ARHGEF10L: variants seen among roughly 807,000 people sequenced by gnomAD.
The protein encoded by ARHGEF10L is Rho guanine nucleotide exchange factor 10 like, also known as rho guanine nucleotide exchange factor 10-like protein.
A neutral mutation model predicts 141.2 loss-of-function variants in ARHGEF10L; 69 were observed. The ratio of observed to expected loss-of-function variants is 0.49; its 90% CI spans 0.40 to 0.60. ARHGEF10L has a LOEUF of 0.60. ARHGEF10L is among the 20% of genes least tolerant of loss of function. The pLI, the probability that ARHGEF10L is intolerant of heterozygous loss-of-function variation, is 0.00. For missense variants in ARHGEF10L, 1,482 were observed against 1,734.3 expected (o/e 0.85, Z 2.58); for synonymous variants, 711 against 718.5 (o/e 0.99, Z 0.17).
At chr1:17,670,095 G>A (rs555122104) in intron 26 of ARHGEF10L, among the ~76,000 whole-genome samples, 2 of 152,376 alleles carry the variant, frequency 1.3e-5, no homozygotes, top group South Asian at 2.1e-4. Flanking sequence ...AAAGCACCGC[G>A]AGCCACGCCT....
rs117772644 is a variant in ARHGEF10L at position 17,593,260 on chromosome 1, C to T, written c.257+4781C>T. Among the ~76,000 whole-genome samples the T allele has an allele frequency of 4.1e-3, 627 of 152,344 alleles. 13 individuals carry two copies. In the East Asian group the frequency reaches 0.078, roughly 19 times the overall value. On this transcript the variant is annotated intron_variant, in intron 4 of 28. Transcript: ENST00000361221. ...GGTGCAACAATACTAACAGCCTACA[C>T]GTGCACGGACTTTACAGTTTACATC...
At position 17,654,859 on chromosome 1, in the gene ARHGEF10L, C is replaced by T. The variant is rs2062132730; in HGVS notation, c.2481+137C>T. ...CTTCATCCACCAAGGTCTTCCTGGG[C>T]ACCTCTGGTGCCAGGCACTGCATTT... On this transcript the variant is annotated intron_variant, in intron 23 of 28. Coordinates refer to ENST00000361221, the MANE Select transcript of ARHGEF10L (RefSeq NM_018125.4). This position sits in a 1 kb window ranked among gnomAD's most constrained non-coding sequence, Gnocchi z 4.3. 3.6e-6 allele frequency: 3 copies of T among 826,818 alleles called. 1 individual carries two copies. Among genetic ancestry groups the T allele is most frequent in the Admixed American group, 3.9e-5 (2 of 51,236 alleles). The allele number at this position is 826,818 out of a possible 1,614,324, so 51.2% of individuals were successfully genotyped here.
chr1:17,688,140 G>C (rs1172495559), intron 27 of ARHGEF10L, among the ~76,000 whole-genome samples: 1 of 152,244 alleles, frequency 6.6e-6, no homozygotes, highest in Non-Finnish European at 1.5e-5. Flanking sequence ...GAGGTGATGG[G>C]AAAGTGAGAA....
In ARHGEF10L at chr1:17,621,931, G is replaced by A. The variant is rs770572310; in HGVS notation, c.1010G>A (p.Arg337Gln). The change falls in exon 11 of 29, where the codon CGG (arginine) becomes CAG (glutamine). Residue 337 changes from arginine (R) to glutamine (Q), a missense_variant. Arg to Gln is a conservative substitution (Grantham distance 43, BLOSUM62 1). Coordinates refer to ENST00000361221, the MANE Select transcript of ARHGEF10L (RefSeq NM_018125.4). The surrounding 1 kb of genome is among the most constrained non-coding windows in gnomAD (Gnocchi z 4.1). ...GGCAGCTACGTGGAGTCTCTGAAGC[G>A]GATACTCCAGGTGCGACTTCAGGGA... ...SEGSYVESLK[R>Q]ILQDYRNPLM... 5.0e-6 allele frequency: 8 copies of A among 1,614,152 alleles called. No individual in the cohort carries two copies. The highest frequency in any genetic ancestry group is 1.7e-5 in the Admixed American group (1 of 60,030).
At chr1:17,567,049 A>G (rs967768247) in intron 1 of ARHGEF10L, among the ~76,000 whole-genome samples, 21 of 152,204 alleles carry the variant, frequency 1.4e-4, no homozygotes, top group Admixed American at 3.3e-4. Context: ...CTGATCTGGA[A>G]GCAGATGGTG....
At chr1:17,544,577 G>A (rs2996648) in intron 1 of ARHGEF10L, among the ~76,000 whole-genome samples, 1 of 152,136 alleles carries the variant, frequency 6.6e-6, no homozygotes, top group Non-Finnish European at 1.5e-5. Flanking sequence ...TTACAGGCGT[G>A]AGCCACCATG....
At chr1:17,649,907 G>T (rs2061816182) in intron 22 of ARHGEF10L, among the ~76,000 whole-genome samples, 1 of 152,202 alleles carries the variant, frequency 6.6e-6, no homozygotes, top group Non-Finnish European at 1.5e-5. Flanking sequence ...AGGCGAGGCA[G>T]GAGGAGAGAG....
intron 26 of ARHGEF10L, among the ~76,000 whole-genome samples, chr1:17,680,620 G>A (rs1031125743): frequency 1.1e-3 from 161 of 152,194 alleles, no homozygotes; most frequent in African/African-American, 3.7e-3. Context: ...AATCCTCACC[G>A]TGCCCCAGAG....
the ARHGEF10L span, among the ~76,000 whole-genome samples, chr1:17,521,867 CTG>C: frequency 8.6e-5 from 13 of 151,942 alleles, no homozygotes; most frequent in Admixed American, 8.5e-4. Context: ...ATTTAGGTGA[CTG>C]TGTGACGCTC....
the ARHGEF10L span, among the ~76,000 whole-genome samples, chr1:17,518,067 G>A: frequency 9.2e-5 from 14 of 152,316 alleles, no homozygotes; most frequent in Admixed American, 2.0e-4. Context: ...AGTCTCTGTC[G>A]CTGATCAAAT....
intron 1 of ARHGEF10L, among the ~76,000 whole-genome samples, chr1:17,570,058 G>T (rs1271204423): frequency 1.3e-5 from 2 of 152,146 alleles, no homozygotes; most frequent in South Asian, 2.1e-4. Flanking sequence ...GTTTCAGAAG[G>T]GAGGGGCCCA....
intron 1 of ARHGEF10L, among the ~76,000 whole-genome samples, chr1:17,560,192 G>C (rs905837872): frequency 6.6e-6 from 1 of 152,090 alleles, no homozygotes; most frequent in Non-Finnish European, 1.5e-5. Flanking sequence ...ACTGTCCGGG[G>C]GCAGGGGCTG....
chr1:17,613,045 C>T lies in ARHGEF10L; in HGVS notation c.610-13C>T. 6.2e-7 allele frequency: 1 copy of T among 1,603,702 alleles called. No individual in the cohort carries two copies. The highest frequency in any genetic ancestry group is 8.5e-7 in the Non-Finnish European group (1 of 1,171,056). ...CACCTGCTTTCCTTCTGCCTGGCCGCTTGGGGCTCCAGCTTTCTCCAGACC... is the reference window on the plus strand; with the variant it reads ...CACCTGCTTTCCTTCTGCCTGGCCGTTTGGGGCTCCAGCTTTCTCCAGACC... On this transcript the variant is annotated splice_polypyrimidine_tract_variant and intron_variant, in intron 7 of 28. Transcript: ENST00000361221.
chr1:17,593,527 G>A (rs560310709), intron 4 of ARHGEF10L, among the ~76,000 whole-genome samples: 20 of 152,278 alleles, frequency 1.3e-4, no homozygotes, highest in South Asian at 8.3e-4. Context: ...AAAGAGGTGG[G>A]AAGATGCCAC....
Position 17,646,769 on chromosome 1 carries a change from C to T in ARHGEF10L, c.2273-1785C>T, listed in dbSNP as rs142861610. 1.7e-3 allele frequency among the ~76,000 whole-genome samples: 255 copies of T among 151,986 alleles called. 2 individuals are homozygous for T. Among genetic ancestry groups the T allele is most frequent in the Non-Finnish European group, 2.3e-3 (159 of 67,936 alleles). ...CCAGCCCTGGGGAGGTGAGGGGCAG[C>T]GTTCCGGACAGCGGGAACCTCTGGG... On this transcript the variant is annotated intron_variant, in intron 21 of 28. Transcript: ENST00000361221.
At position 17,697,242 on chromosome 1, in the gene ARHGEF10L, G is replaced by A. The variant is rs1001398027; in HGVS notation, c.3702G>A (p.Glu1234=). The A allele has an allele frequency of 7.4e-6, 12 of 1,612,648 alleles. No individual in the cohort carries two copies. Among genetic ancestry groups the A allele is most frequent in the Non-Finnish European group, 1.0e-5 (12 of 1,179,810 alleles). ...RPCARDAHRK[E]ICSVAIISGG... is the part of the protein sequence containing the mutation. ...GCGCCCGCGACGCCCACCGCAAGGAGATTTGCTCTGTGGCCATCATCTCCG... is the reference window on the plus strand; with the variant it reads ...GCGCCCGCGACGCCCACCGCAAGGAAATTTGCTCTGTGGCCATCATCTCCG... The change falls in exon 29 of 29, where the codon GAG becomes GAA. Residue 1234 remains glutamate, a synonymous_variant. Transcript: ENST00000361221. This position sits in a 1 kb window ranked among gnomAD's most constrained non-coding sequence, Gnocchi z 4.8.
chr1:17,693,689 G>A (rs35148872), intron 27 of ARHGEF10L, among the ~76,000 whole-genome samples: 19,933 of 152,168 alleles, frequency 0.13, 1,567 homozygotes, highest in Non-Finnish European at 0.17. Context: ...TCTTGCATAC[G>A]TCTTGGCTGT....
At chr1:17,598,632 C>T (rs757064072) in intron 4 of ARHGEF10L, among the ~76,000 whole-genome samples, 50 of 152,164 alleles carry the variant, frequency 3.3e-4, no homozygotes, top group Non-Finnish European at 5.6e-4. Flanking sequence ...AAGGCCCCAC[C>T]GCCTAATACT....
chr1:17,573,466 G>C lies in ARHGEF10L; in HGVS notation c.-43-7087G>C, dbSNP rs764297995. Among the ~76,000 whole-genome samples, 1 of 152,204 alleles carries C rather than the reference G, an allele frequency of 6.6e-6. No homozygotes were observed. The highest frequency in any genetic ancestry group is 1.5e-5 in the Non-Finnish European group (1 of 68,036). Reference sequence around the variant, plus strand: ...TCTGGGGTTCTCTGGAGAAGAGGGGGGTCAGTTCAGCTGATGGCAGGTGGC... The same window carrying C: ...TCTGGGGTTCTCTGGAGAAGAGGGGCGTCAGTTCAGCTGATGGCAGGTGGC... On this transcript the variant is annotated intron_variant, in intron 1 of 28. Transcript: ENST00000361221. This position sits in a 1 kb window ranked among gnomAD's most constrained non-coding sequence, Gnocchi z 4.8.
Sources: gnomAD v4.1 joint callset for allele counts (sites outside exome capture counted in the v4.1 genomes callset) on GRCh38, gnomAD v4.1.1 for gene constraint, Gnocchi (gnomAD v3.1) non-coding constraint, MANE v1.5 for transcripts, NCBI Gene and HGNC (gene_info 2026-07-23, HGNC 2026-07-21) for gene names.